Variants in ERBB4 observed in about 807,000 individuals in gnomAD.
The protein encoded by ERBB4 is erb-b2 receptor tyrosine kinase 4, also known as receptor tyrosine-protein kinase erbB-4.
Under a neutral mutation model 158.0 loss-of-function variants are expected in ERBB4, and 42 were observed. The ratio of observed to expected loss-of-function variants is 0.27; its 90% CI spans 0.21 to 0.34. ERBB4 has a LOEUF of 0.34. Among genes scored for constraint, ERBB4 ranks in the 10% least tolerant of loss-of-function variants. The pLI, the probability that ERBB4 is intolerant of heterozygous loss-of-function variation, is 1.00. For synonymous variants in ERBB4, 583 were observed against 558.7 expected (o/e 1.04, Z -0.61); for missense variants, 1,333 against 1,624.1 (o/e 0.82, Z 3.08).
intron 25 of ERBB4, among the ~76,000 whole-genome samples, chr2:211,398,704 G>A (rs1226550937): frequency 6.6e-6 from 1 of 152,182 alleles, no homozygotes; most frequent in Non-Finnish European, 1.5e-5. Context: ...GATGGCATAT[G>A]CCTGTAATCC....
chr2:212,485,164 T>A (rs1352506909), intron 1 of ERBB4, among the ~76,000 whole-genome samples: 1 of 152,204 alleles, frequency 6.6e-6, no homozygotes, highest in Non-Finnish European at 1.5e-5. Flanking sequence ...AAGACTCTGA[T>A]TCCAGTCACC....
intron 20 of ERBB4, among the ~76,000 whole-genome samples, chr2:211,466,407 T>C (rs1315456769): frequency 6.6e-6 from 1 of 151,402 alleles, no homozygotes; most frequent in Non-Finnish European, 1.5e-5. Context: ...AGTTATCTTT[T>C]CCAAATTTGT....
intron 2 of ERBB4, among the ~76,000 whole-genome samples, chr2:211,987,330 CA>C (rs564412801): frequency 1.8e-5 from 1 of 56,200 alleles, no homozygotes; most frequent in African/African-American, 4.3e-5. Flanking sequence ...CAAGAAAAGA[CA>C]AAAAAAAAAA....
chr2:211,937,085 T>C (rs866045734), intron 3 of ERBB4, among the ~76,000 whole-genome samples: 1 of 152,190 alleles, frequency 6.6e-6, no homozygotes, highest in Non-Finnish European at 1.5e-5. Context: ...CTAAAACACA[T>C]ACAGTTTTGG....
intron 1 of ERBB4, among the ~76,000 whole-genome samples, chr2:212,229,944 C>A (rs565876194): frequency 6.6e-6 from 1 of 152,188 alleles, no homozygotes; most frequent in South Asian, 2.1e-4. Flanking sequence ...TGGCCAATAC[C>A]TAAGCAAAAT....
chr2:211,486,226 T>G (rs894328592), intron 20 of ERBB4, among the ~76,000 whole-genome samples: 1 of 152,198 alleles, frequency 6.6e-6, no homozygotes, highest in Admixed American at 6.6e-5. Context: ...TTCTTTTTTC[T>G]TAATTAACAC....
At chr2:211,760,881 G>C (rs1406114998) in intron 4 of ERBB4, among the ~76,000 whole-genome samples, 1 of 152,132 alleles carries the variant, frequency 6.6e-6, no homozygotes, top group Non-Finnish European at 1.5e-5. Context: ...CAACATGATA[G>C]CATAAGTACT....
intron 3 of ERBB4, among the ~76,000 whole-genome samples, chr2:211,935,626 G>A (rs2080301027): frequency 1.4e-5 from 2 of 141,488 alleles, no homozygotes; most frequent in South Asian, 2.3e-4. Flanking sequence ...ACCAGCCTCC[G>A]AGGTGCTGAG....
rs564477332 is a variant in ERBB4, at chr2:211,816,269, G to A, written c.422-28110C>T. On this transcript the variant is annotated intron_variant, in intron 3 of 27. Transcript: ENST00000342788. Reference sequence around the variant, plus strand: ...ATATAAAGATAACTTGGCCAGGCACGGTGGCTCATGCCTGTAATCCCAGGG... The same window carrying A: ...ATATAAAGATAACTTGGCCAGGCACAGTGGCTCATGCCTGTAATCCCAGGG... 5.2e-4 allele frequency among the ~76,000 whole-genome samples: 79 copies of A among 152,136 alleles called. 1 individual carries two copies. In the South Asian group the frequency reaches 0.015, roughly 28 times the overall value.
At chr2:212,144,998 A>T (rs2080617322) in intron 1 of ERBB4, among the ~76,000 whole-genome samples, 1 of 152,198 alleles carries the variant, frequency 6.6e-6, no homozygotes, top group South Asian at 2.1e-4. Flanking sequence ...GGGGGAACTA[A>T]AAAAAGCTTT....
chr2:212,194,715 T>C (rs1027882447), intron 1 of ERBB4, among the ~76,000 whole-genome samples: 5 of 147,014 alleles, frequency 3.4e-5, no homozygotes, highest in African/African-American at 1.2e-4. Flanking sequence ...ATATAATCAT[T>C]AAAGAAAAAT....
At chr2:212,063,041 CACAT>C (rs2077828439) in intron 2 of ERBB4, among the ~76,000 whole-genome samples, 2 of 152,238 alleles carry the variant, frequency 1.3e-5, no homozygotes, top group South Asian at 4.1e-4. Context: ...TGGAAGTGCT[CACAT>C]GCATACACAG....
chr2:212,519,292 A>G (rs1692015523), intron 1 of ERBB4, among the ~76,000 whole-genome samples: 1 of 152,184 alleles, frequency 6.6e-6, no homozygotes, highest in South Asian at 2.1e-4. Context: ...AGTGAGAGAC[A>G]TGATTCAACT....
chr2:211,925,614 C>A (rs78043789), intron 3 of ERBB4, among the ~76,000 whole-genome samples: 1 of 152,118 alleles, frequency 6.6e-6, no homozygotes, highest in East Asian at 1.9e-4. Flanking sequence ...AACTCCTGAC[C>A]TTGTGATCCG....
At chr2:211,530,715 C>T (rs1326319856) in intron 20 of ERBB4, among the ~76,000 whole-genome samples, 8 of 151,966 alleles carry the variant, frequency 5.3e-5, no homozygotes, top group Admixed American at 1.3e-4. Context: ...TAGTGAAACC[C>T]TATTTCTACA....
intron 12 of ERBB4, among the ~76,000 whole-genome samples, chr2:211,680,031 C>T (rs1371988284): frequency 1.3e-5 from 2 of 152,090 alleles, no homozygotes; most frequent in East Asian, 1.9e-4. Context: ...GTCTACCTTG[C>T]TATTAGTCAA....
intron 1 of ERBB4, among the ~76,000 whole-genome samples, chr2:212,477,273 G>C (rs1689452186): frequency 6.6e-6 from 1 of 152,090 alleles, no homozygotes; most frequent in South Asian, 2.1e-4. Context: ...AGTTTTACTG[G>C]TTCTCATTAG....
chr2:211,875,846 C>T (rs1322954888), intron 3 of ERBB4, among the ~76,000 whole-genome samples: 3 of 152,152 alleles, frequency 2.0e-5, no homozygotes, highest in Non-Finnish European at 4.4e-5. Context: ...TACACACATA[C>T]ATTTTGTTAC....
intron 3 of ERBB4, among the ~76,000 whole-genome samples, chr2:211,837,725 A>G (rs898999849): frequency 6.6e-6 from 1 of 152,136 alleles, no homozygotes; most frequent in African/African-American, 2.4e-5. Flanking sequence ...AAAAATACAC[A>G]TAAAAGCCCT....
Sources: allele counts gnomAD v4.1 joint callset (sites outside exome capture counted in the v4.1 genomes callset), GRCh38; gene constraint gnomAD v4.1.1; transcripts MANE v1.5; gene names NCBI Gene and HGNC (gene_info 2026-07-23, HGNC 2026-07-21).